CDYL: variants seen among roughly 807,000 people sequenced by gnomAD.
CDYL encodes the protein chromodomain Y-like protein.
CDYL carries 8 observed loss-of-function variants against 47.3 expected under a neutral mutation model. The ratio of observed to expected loss-of-function variants is 0.17; its 90% confidence interval spans 0.10 to 0.31. The LOEUF is 0.31. CDYL is among the 10% of genes least tolerant of loss of function. CDYL has a pLI of 1.00. For missense variants in CDYL, 471 were observed against 701.4 expected (o/e 0.67, Z 3.71); for synonymous variants, 266 against 265.0 (o/e 1.00, Z -0.04).
chr6:4,758,296 G>A (rs1353673836), intron 3 of CDYL, among the ~76,000 whole-genome samples: 4 of 150,366 alleles, frequency 2.7e-5, no homozygotes, highest in South Asian at 2.1e-4. Context: ...CTAAGATTAC[G>A]CCACTGCACT....
chr6:4,828,732 C>G (rs1270847911), intron 1 of CDYL, among the ~76,000 whole-genome samples: 1 of 152,114 alleles, frequency 6.6e-6, no homozygotes, highest in Middle Eastern at 3.2e-3. Context: ...CCCAAGTCTT[C>G]CATAATTTAT....
intron 2 of CDYL, among the ~76,000 whole-genome samples, chr6:4,718,849 G>GAT (rs1398756628): frequency 6.6e-6 from 1 of 150,788 alleles, no homozygotes; most frequent in African/African-American, 2.4e-5. Flanking sequence ...ATTCCTGCAG[G>GAT]ATATTCCAGT....
At chr6:4,928,788 A>C (rs1313753459) in intron 2 of CDYL, 2 of 152,014 alleles carry the variant, frequency 1.3e-5, no homozygotes. Flanking sequence ...TTTCTGCTAC[A>C]TCAAAGATCA....
chr6:4,828,012 C>T (rs1463676817), intron 1 of CDYL, among the ~76,000 whole-genome samples: 1 of 152,202 alleles, frequency 6.6e-6, no homozygotes, highest in East Asian at 1.9e-4. Context: ...TTCCTAAATA[C>T]AGTACTACTG....
intron 1 of CDYL, among the ~76,000 whole-genome samples, chr6:4,818,963 C>T (rs142092650): frequency 6.6e-6 from 1 of 152,312 alleles, no homozygotes; most frequent in East Asian, 1.9e-4. Flanking sequence ...TGCGGTGTCA[C>T]TGCTATCCTC....
intron 3 of CDYL, among the ~76,000 whole-genome samples, chr6:4,766,032 T>C (rs188273912): frequency 1.3e-5 from 2 of 152,082 alleles, no homozygotes; most frequent in African/African-American, 4.8e-5. Context: ...GCAGGACTGA[T>C]AAAGAACAAG....
intron 2 of CDYL, among the ~76,000 whole-genome samples, chr6:4,893,707 A>G (rs1243612201): frequency 6.6e-6 from 1 of 152,194 alleles, no homozygotes; most frequent in Non-Finnish European, 1.5e-5. Flanking sequence ...AAAAAAAAAA[A>G]AAAGAGACTC....
chr6:4,776,160 G>GC (rs1245778723), upstream of CDYL, among the ~76,000 whole-genome samples: 1 of 61,052 alleles, frequency 1.6e-5, no homozygotes, highest in African/African-American at 6.1e-5. Flanking sequence ...CCACCACCCC[G>GC]CCCCCCGCGC....
chr6:4,926,766 A>G (rs1318533063), intron 2 of CDYL, among the ~76,000 whole-genome samples: 1 of 152,344 alleles, frequency 6.6e-6, no homozygotes, highest in African/African-American at 2.4e-5. Flanking sequence ...ATAAACTCAC[A>G]TGGAAACATT....
chr6:4,866,120 A>G (rs981000391), intron 1 of CDYL, among the ~76,000 whole-genome samples: 2 of 152,216 alleles, frequency 1.3e-5, no homozygotes, highest in African/African-American at 4.8e-5. Context: ...GGAAATTTGA[A>G]TTCAATATAA....
rs577503510 is a variant in CDYL, at chr6:4,942,184, G to A, written c.1122-1362G>A. Among the ~76,000 whole-genome samples the A allele has an allele frequency of 2.6e-5, 4 of 152,270 alleles. No individual in the cohort carries two copies. The East Asian group carries it at 7.7e-4, about 29-fold the overall frequency. ...AAGACTTAGTGCAACTCATTCATTTGAATGAGTTAATTCTTGCTCAATGCA... is the reference window on the plus strand; with the variant it reads ...AAGACTTAGTGCAACTCATTCATTTAAATGAGTTAATTCTTGCTCAATGCA... On this transcript the variant is annotated intron_variant, in intron 4 of 6. Coordinates refer to ENST00000397588, the MANE Select transcript of CDYL (RefSeq NM_004824.4).
chr6:4,914,077 A>T (rs1010418600), intron 2 of CDYL, among the ~76,000 whole-genome samples: 30 of 152,004 alleles, frequency 2.0e-4, no homozygotes, highest in African/African-American at 5.8e-4. Flanking sequence ...CTAGGCTGGG[A>T]TAGGGGCTGC....
At chr6:4,894,745 G>C (rs1250957891) in intron 2 of CDYL, among the ~76,000 whole-genome samples, 1 of 152,080 alleles carries the variant, frequency 6.6e-6, no homozygotes, top group African/African-American at 2.4e-5. Flanking sequence ...CACTGCATCT[G>C]ACCTACTTGG....
intron 1 of CDYL, among the ~76,000 whole-genome samples, chr6:4,826,111 G>A (rs1759974962): frequency 6.6e-6 from 1 of 152,202 alleles, no homozygotes; most frequent in Non-Finnish European, 1.5e-5. Flanking sequence ...AAATAGAATC[G>A]ACTAGGATCA....
chr6:4,828,400 G>T (rs1252772523), intron 1 of CDYL, among the ~76,000 whole-genome samples: 2 of 151,900 alleles, frequency 1.3e-5, no homozygotes, highest in African/African-American at 2.4e-5. Flanking sequence ...TGGGACTCCA[G>T]GTGCACACCA....
chr6:4,761,280 A>G (rs9504234), intron 3 of CDYL, among the ~76,000 whole-genome samples: 26,780 of 152,150 alleles, frequency 0.18, 3,254 homozygotes, highest in African/African-American at 0.34. Context: ...ATAATTTAAT[A>G]TAGGAATATA....
chr6:4,734,618 A>C, intron 2 of CDYL: 1 of 1,133,340 alleles, frequency 8.8e-7, no homozygotes, highest in Non-Finnish European at 1.2e-6. Context: ...AGGAGAGACC[A>C]GTTTCTATGT....
chr6:4,718,214 T>C (rs1260695319), intron 2 of CDYL, among the ~76,000 whole-genome samples: 1 of 152,134 alleles, frequency 6.6e-6, no homozygotes, highest in Non-Finnish European at 1.5e-5. Context: ...GGAAATAATT[T>C]ATTATTTCAT....
At chr6:4,777,185 A>G (rs1758490886) in intron 1 of CDYL, among the ~76,000 whole-genome samples, 1 of 149,254 alleles carries the variant, frequency 6.7e-6, no homozygotes, top group African/African-American at 2.5e-5. Context: ...GGGTTTCTGG[A>G]TCATTTGATA....
Sources: allele counts gnomAD v4.1 joint callset (sites outside exome capture counted in the v4.1 genomes callset), GRCh38; gene constraint gnomAD v4.1.1; transcripts MANE v1.5; gene names NCBI Gene and HGNC (gene_info 2026-07-23, HGNC 2026-07-21).